The following FBLN1 variants were observed in gnomAD, a reference collection of about 807,000 sequenced individuals.
FBLN1 encodes fibulin 1, also known as fibulin-1.
In FBLN1, 34 loss-of-function variants were observed where a neutral mutation model predicts 89.7. The observed-to-expected ratio is 0.38, with a 90% CI of 0.29 to 0.50. The LOEUF (loss-of-function observed/expected upper bound fraction) is 0.50. Ranked by LOEUF, FBLN1 falls within the 20% of genes least tolerant of loss-of-function variation. The pLI is 0.92. For synonymous variants in FBLN1, 393 were observed against 391.3 expected (o/e 1.00, Z -0.05); for missense variants, 777 against 988.1 (o/e 0.79, Z 2.86).
chr22:45,545,587 C>T lies in FBLN1; in HGVS notation c.1322-1498C>T, dbSNP rs2088615772. On this transcript the variant is annotated intron_variant, in intron 11 of 16. Coordinates refer to ENST00000327858, the MANE Select transcript of FBLN1 (RefSeq NM_006486.3). This position sits in a 1 kb window ranked among gnomAD's most constrained non-coding sequence, Gnocchi z 5.9. ...AACCTTGCTATGTGACCTTACTAAC[C>T]ATTTGTTAGGGTCCTGCCCCGGGTG... 6.6e-6 allele frequency among the ~76,000 whole-genome samples: 1 copy of T among 152,060 alleles called. No homozygotes were observed.
intron 16 of FBLN1, among the ~76,000 whole-genome samples, chr22:45,596,938 A>G (rs1013592380): frequency 6.7e-6 from 1 of 149,400 alleles, no homozygotes; most frequent in East Asian, 1.9e-4. Context: ...ATTGTTTTAT[A>G]TGTATAATAG....
chr22:45,522,415 C>T (rs889419335), intron 2 of FBLN1, among the ~76,000 whole-genome samples: 1 of 152,232 alleles, frequency 6.6e-6, no homozygotes, highest in African/African-American at 2.4e-5. Context: ...CATGAGCAGG[C>T]AGGCAAGCCC....
intron 2 of FBLN1, among the ~76,000 whole-genome samples, chr22:45,520,711 G>T (rs1214179737): frequency 1.3e-5 from 2 of 152,242 alleles, no homozygotes; most frequent in African/African-American, 4.8e-5. Flanking sequence ...TGAGGCCGCA[G>T]ATTCAGCAGC....
chr22:45,570,448 C>A (rs2088943992), intron 14 of FBLN1, among the ~76,000 whole-genome samples: 1 of 144,582 alleles, frequency 6.9e-6, no homozygotes, highest in Non-Finnish European at 1.5e-5. Context: ...AAGTAATAGA[C>A]CAAAGAAACA....
At chr22:45,503,093 G>A (rs1226176677) in intron 1 of FBLN1, 29 bp downstream of exon 1, 1 of 1,227,002 alleles carries the variant, frequency 8.1e-7, no homozygotes, top group Non-Finnish European at 1.0e-6. Flanking sequence ...CGCCGCCCCA[G>A]CTTAGGGTCC....
At chr22:45,586,019 A>G (rs5765509) in intron 16 of FBLN1, among the ~76,000 whole-genome samples, 54,610 of 133,928 alleles carry the variant, frequency 0.41, 11,703 homozygotes, top group Admixed American at 0.54. Flanking sequence ...ACCCCTCAGA[A>G]GGCTTGGTAG....
chr22:45,599,499 G>A (rs2146674145), intron 16 of FBLN1, among the ~76,000 whole-genome samples: 2 of 152,284 alleles, frequency 1.3e-5, no homozygotes, highest in Admixed American at 1.3e-4. Context: ...ATGTTCTGGG[G>A]GAGAGGATAC....
Position 45,590,634 on chromosome 22 carries a change from G to T in FBLN1, c.1973-9673G>T, listed in dbSNP as rs77622670. On this transcript the variant is annotated intron_variant, in intron 16 of 16. Transcript: ENST00000327858. The surrounding 1 kb of genome is among the most constrained non-coding windows in gnomAD (Gnocchi z 4.1). The stretch of plus-strand genomic sequence containing the variant: ...GTACACGTGTTCAGGTAGATGCGAC[G>T]AGGCCGGAACTGAGGCCAGGTGGGG... Among the ~76,000 whole-genome samples, 255 of 152,302 alleles carry T rather than the reference G, an allele frequency of 1.7e-3. 1 individual carries two copies. Among genetic ancestry groups the T allele is most frequent in the African/African-American group, 5.8e-3 (240 of 41,560 alleles).
intron 16 of FBLN1, among the ~76,000 whole-genome samples, chr22:45,592,357 C>G (rs112167390): frequency 6.6e-6 from 1 of 152,160 alleles, no homozygotes; most frequent in Non-Finnish European, 1.5e-5. Context: ...GACAGAGTCT[C>G]GCTCAGTCAC....
chr22:45,518,215 G>A (rs1490002392), intron 1 of FBLN1, among the ~76,000 whole-genome samples: 1 of 150,936 alleles, frequency 6.6e-6, no homozygotes, highest in Non-Finnish European at 1.5e-5. Context: ...CTCCCTGTTT[G>A]CAGTCTCTCC....
chr22:45,574,684 C>T lies in FBLN1; in HGVS notation c.1840+31C>T, dbSNP rs1046975801. 6 of 1,604,024 alleles carry T rather than the reference C, an allele frequency of 3.7e-6. No individual in the cohort carries two copies. The highest frequency in any genetic ancestry group is 2.2e-5 in the East Asian group (1 of 44,538). ...TGGGATGGGTGTGGGGGTCCCAGGG[C>T]CCCCTAGGGCCTCCCTCGGCTTCAG... On this transcript the variant is annotated intron_variant, in intron 15 of 16. Transcript: ENST00000327858. This position sits in a 1 kb window ranked among gnomAD's most constrained non-coding sequence, Gnocchi z 4.1.
rs963102615 is a variant in FBLN1 at position 45,578,908 on chromosome 22, C to T, written c.1972+1800C>T. On this transcript the variant is annotated intron_variant, in intron 16 of 16. Transcript: ENST00000327858. This position sits in a 1 kb window ranked among gnomAD's most constrained non-coding sequence, Gnocchi z 4.6. Reference sequence around the variant, plus strand: ...TGCAGATACAGAGATGGATAAATGCCACATAGCCCCTGAGGACTTTGCATC... The same window carrying T: ...TGCAGATACAGAGATGGATAAATGCTACATAGCCCCTGAGGACTTTGCATC... Among the ~76,000 whole-genome samples the T allele has an allele frequency of 5.3e-5, 8 of 152,228 alleles. No homozygotes were observed. The highest frequency in any genetic ancestry group is 1.9e-4 in the African/African-American group (8 of 41,454).
rs1247719713 is a variant in FBLN1, at chr22:45,575,117, C to A, written c.1840+464C>A. Among the ~76,000 whole-genome samples, 1 of 152,124 alleles carries A rather than the reference C, an allele frequency of 6.6e-6. No individual in the cohort carries two copies. Among genetic ancestry groups the A allele is most frequent in the African/African-American group, 2.4e-5 (1 of 41,400 alleles). The stretch of plus-strand genomic sequence containing the variant: ...CAGAACTTTCTTTGTGTCTGTGTCC[C>A]CCCCACACCCACCTGGCACAGCAGC... On this transcript the variant is annotated intron_variant, in intron 15 of 16. Coordinates refer to ENST00000327858, the MANE Select transcript of FBLN1 (RefSeq NM_006486.3). The surrounding 1 kb of genome is among the most constrained non-coding windows in gnomAD (Gnocchi z 6.3).
intron 4 of FBLN1, among the ~76,000 whole-genome samples, chr22:45,529,493 C>T (rs897554599): frequency 1.6e-4 from 24 of 152,288 alleles, no homozygotes; most frequent in East Asian, 3.9e-4. Context: ...GGCAGGACTC[C>T]GCCTGGGCCA....
At chr22:45,589,108 A>T (rs1329148250) in intron 16 of FBLN1, among the ~76,000 whole-genome samples, 3 of 147,782 alleles carry the variant, frequency 2.0e-5, no homozygotes, top group Non-Finnish European at 4.5e-5. Flanking sequence ...AAAATATATA[A>T]AAATATTTTT....
At chr22:45,568,077 G>A (rs1186448354) in intron 14 of FBLN1, among the ~76,000 whole-genome samples, 3 of 152,196 alleles carry the variant, frequency 2.0e-5, no homozygotes, top group Non-Finnish European at 4.4e-5. Flanking sequence ...AAATTGTGTA[G>A]AAAAGAGACC....
intron 14 of FBLN1, among the ~76,000 whole-genome samples, chr22:45,564,058 T>C (rs1210652157): frequency 6.6e-6 from 1 of 152,164 alleles, no homozygotes; most frequent in Non-Finnish European, 1.5e-5. Context: ...AGGCAGGTGG[T>C]CATCCTCATG....
intron 14 of FBLN1, chr22:45,564,758 T>C (rs973496664): frequency 1.8e-5 from 21 of 1,165,768 alleles, no homozygotes; most frequent in Non-Finnish European, 2.6e-5. Flanking sequence ...CCCAGCTCCT[T>C]GCAAGACATC....
intron 2 of FBLN1, among the ~76,000 whole-genome samples, chr22:45,520,238 G>A (rs756158064): frequency 6.6e-6 from 1 of 152,196 alleles, no homozygotes; most frequent in African/African-American, 2.4e-5. Flanking sequence ...CTGTGGCAAC[G>A]TATTGGTTTT....
Sources: allele counts gnomAD v4.1 joint callset (sites outside exome capture counted in the v4.1 genomes callset), GRCh38; gene constraint gnomAD v4.1.1; non-coding constraint Gnocchi (gnomAD v3.1); transcripts MANE v1.5; gene names NCBI Gene and HGNC (gene_info 2026-07-23, HGNC 2026-07-21).